The following FAH variants were observed in gnomAD, a reference collection of about 807,000 sequenced individuals.
The protein encoded by FAH is fumarylacetoacetate hydrolase.
A neutral mutation model predicts 55.8 loss-of-function variants in FAH; 47 were observed. That is an observed-to-expected ratio of 0.84 (90% CI 0.67 to 1.07). The LOEUF is 1.07. Among genes scored for constraint, FAH ranks in the 50% least tolerant of loss-of-function variants. FAH has a pLI of 0.00. For synonymous variants in FAH, 199 were observed against 207.7 expected, an observed-to-expected ratio of 0.96 and a Z score of 0.36; for missense variants, 495 against 545.9, an observed-to-expected ratio of 0.91 and a Z score of 0.93.
chr15:80,175,986 A>AGCTCCATTCCATTCCTTTTTC (rs1250514861), intron 10 of FAH, among the ~76,000 whole-genome samples: 1 of 152,004 alleles, frequency 6.6e-6, no homozygotes, highest in Non-Finnish European at 1.5e-5. Context: ...TCTCCTTTTT[A>AGCTCCATTCCATTCCTTTTTC]GCTCCATTCC....
chr15:80,161,538 C>A (rs1452539140), intron 4 of FAH, among the ~76,000 whole-genome samples: 1 of 151,694 alleles, frequency 6.6e-6, no homozygotes, highest in Non-Finnish European at 1.5e-5. Flanking sequence ...ATTTTTAATT[C>A]TCCGAATGGT....
chr15:80,176,847 A>C (rs879013495), intron 10 of FAH, among the ~76,000 whole-genome samples: 4 of 152,126 alleles, frequency 2.6e-5, no homozygotes, highest in Admixed American at 2.0e-4. Flanking sequence ...TGATGTTCTG[A>C]GTTGGGATCT....
At position 80,164,836 on chromosome 15, in the gene FAH, A is replaced by T. The variant is rs147262940; in HGVS notation, c.455+2500A>T. Among the ~76,000 whole-genome samples, 9 of 152,364 alleles carry T rather than the reference A, an allele frequency of 5.9e-5. No individual in the cohort carries two copies. In the East Asian group the frequency reaches 1.7e-3, roughly 29 times the overall value. Reference sequence around the variant, plus strand: ...CACTCACCAGAGGCAACTACTTTGAACAAGTTGGATGTGCCGCTTCCTGTA... The same window carrying T: ...CACTCACCAGAGGCAACTACTTTGATCAAGTTGGATGTGCCGCTTCCTGTA... On this transcript the variant is annotated intron_variant, in intron 5 of 13. Transcript: ENST00000561421.
Position 80,159,856 on chromosome 15 carries a change from A to T in FAH, c.293A>T (p.Asp98Val), listed in dbSNP as rs1567114890. The change falls in exon 3 of 14, where the codon GAT becomes GTT. Residue 98 changes from aspartate (D) to valine (V), a missense_variant. Asp to Val is a radical substitution (Grantham distance 152). Transcript: ENST00000561421. ...TCTGTGAGCCAAGCCAGGCTCAGAGATGACACCGAACTTCGGAAGTGGTGA... is the reference window on the plus strand; with the variant it reads ...TCTGTGAGCCAAGCCAGGCTCAGAGTTGACACCGAACTTCGGAAGTGGTGA... Reference protein sequence around the residue: ...LLSVSQARLRDDTELRKCAFI... With the variant: ...LLSVSQARLRVDTELRKCAFI... 1 of 1,614,230 alleles carries T rather than the reference A, an allele frequency of 6.2e-7. No homozygotes were observed. Among genetic ancestry groups the T allele is most frequent in the Non-Finnish European group, 8.5e-7 (1 of 1,180,040 alleles).
chr15:80,171,521 C>T (rs531861155), intron 7 of FAH, among the ~76,000 whole-genome samples: 4 of 152,258 alleles, frequency 2.6e-5, no homozygotes, highest in East Asian at 3.9e-4. Context: ...AGTGCCGTGG[C>T]GTGATCTCGG....
chr15:80,183,565 G>A (rs1259792639), intron 13 of FAH, among the ~76,000 whole-genome samples: 3 of 152,164 alleles, frequency 2.0e-5, no homozygotes, highest in East Asian at 1.9e-4. Context: ...AGCTCTTCCC[G>A]GCTTTCCTCC....
chr15:80,182,347 C>T (rs2041338527), intron 13 of FAH, among the ~76,000 whole-genome samples: 1 of 152,166 alleles, frequency 6.6e-6, no homozygotes, highest in Non-Finnish European at 1.5e-5. Flanking sequence ...TAATTTAGTC[C>T]ACTCCAGAGC....
chr15:80,162,831 G>T, intron 5 of FAH: 1 of 222,416 alleles, frequency 4.5e-6, no homozygotes, highest in Non-Finnish European at 9.1e-6. Context: ...CAGGAAAATG[G>T]GCTCAGAGAA....
chr15:80,168,964 T>A (rs966230638), intron 7 of FAH, among the ~76,000 whole-genome samples: 98 of 152,344 alleles, frequency 6.4e-4, no homozygotes, highest in Non-Finnish European at 3.4e-4. Flanking sequence ...AAACAGGCTA[T>A]ATAGTTAGGT....
At chr15:80,156,176 G>T in intron 1 of FAH, 1 of 232,754 alleles carries the variant, frequency 4.3e-6, no homozygotes, top group Non-Finnish European at 8.6e-6. Context: ...TGACCAAGGA[G>T]CGCTCAAGCG....
Position 80,186,278 on chromosome 15 carries a change from C to A in FAH, c.*69C>A. On this transcript the variant is annotated 3_prime_UTR_variant, in exon 14 of 14. Transcript: ENST00000561421. ...TTCAACCCTGTGACTGGGGTCCTCC[C>A]TCGGGCTGTAGGCCTGGTCCGCCAT... 7.6e-7 allele frequency: 1 copy of A among 1,321,294 alleles called. No homozygotes were observed. The highest frequency in any genetic ancestry group is 1.2e-5 in the South Asian group (1 of 85,022). The allele number at this position is 1,321,294 out of a possible 1,614,324, so 81.8% of individuals were successfully genotyped here. A position where few individuals can be genotyped will look rare whatever the true frequency, so the allele number is the denominator to read the frequency against.
chr15:80,176,676 C>A (rs1164539966), intron 10 of FAH, among the ~76,000 whole-genome samples: 1 of 152,224 alleles, frequency 6.6e-6, no homozygotes, highest in Non-Finnish European at 1.5e-5. Flanking sequence ...TCCTGCCACC[C>A]ACAATGCGTG....
intron 4 of FAH, among the ~76,000 whole-genome samples, chr15:80,161,454 C>T (rs538634792): frequency 6.6e-6 from 1 of 152,134 alleles, no homozygotes; most frequent in African/African-American, 2.4e-5. Flanking sequence ...GATGAATATC[C>T]AGCATTTTTT....
chr15:80,178,947 G>A (rs553645823), intron 11 of FAH, among the ~76,000 whole-genome samples: 4 of 152,270 alleles, frequency 2.6e-5, no homozygotes, highest in South Asian at 2.1e-4. Flanking sequence ...GGTTGTTTCC[G>A]TTGTTTTTGG....
intron 7 of FAH, among the ~76,000 whole-genome samples, chr15:80,169,483 C>G (rs1305569708): frequency 6.6e-6 from 1 of 152,208 alleles, no homozygotes; most frequent in East Asian, 1.9e-4. Context: ...AACCTCAGAA[C>G]TGTGGTCACT....
chr15:80,178,084 C>T (rs12912992), intron 11 of FAH, among the ~76,000 whole-genome samples: 11,401 of 152,104 alleles, frequency 0.075, 445 homozygotes, highest in South Asian at 0.088. Context: ...CCTGTGGTCC[C>T]GGCTACTTGG....
At chr15:80,155,665 C>A (rs981624301) in intron 1 of FAH, among the ~76,000 whole-genome samples, 1 of 151,946 alleles carries the variant, frequency 6.6e-6, no homozygotes, top group Non-Finnish European at 1.5e-5. Context: ...ACACAGAGAC[C>A]GGTAGTGGCC....
intron 5 of FAH, chr15:80,162,671 T>G (rs2041159167): frequency 2.6e-6 from 1 of 387,904 alleles, no homozygotes. Flanking sequence ...TCTAGCATGC[T>G]CCATACTTAC....
chr15:80,161,505 G>A (rs999647862), intron 4 of FAH, among the ~76,000 whole-genome samples: 1 of 151,768 alleles, frequency 6.6e-6, no homozygotes, highest in Admixed American at 6.6e-5. Context: ...CAGGCAGACT[G>A]TCCCAACTGG....
Sources: allele counts gnomAD v4.1 joint callset (sites outside exome capture counted in the v4.1 genomes callset), GRCh38; gene constraint gnomAD v4.1.1; transcripts MANE v1.5; gene names NCBI Gene and HGNC (gene_info 2026-07-23, HGNC 2026-07-21).